Variants in MYT1 observed in about 807,000 individuals in gnomAD.
The protein encoded by MYT1 is myelin transcription factor 1.
Under a neutral mutation model 123.0 loss-of-function variants are expected in MYT1, and 23 were observed. The observed-to-expected ratio is 0.19, with a 90% CI of 0.13 to 0.26. The LOEUF (loss-of-function observed/expected upper bound fraction) is 0.26. MYT1 is among the 10% of genes least tolerant of loss of function. The probability of loss-of-function intolerance (pLI) is 1.00; values close to 1 mark genes in which losing one functional copy is unlikely to be tolerated. For synonymous variants in MYT1, 518 were observed against 575.3 expected (o/e 0.90, Z 1.43); for missense variants, 1,125 against 1,472.5 (o/e 0.76, Z 3.86).
intron 16 of MYT1, among the ~76,000 whole-genome samples, chr20:64,223,942 A>C (rs977341839): frequency 6.6e-6 from 1 of 151,624 alleles, no homozygotes; most frequent in African/African-American, 2.4e-5. Context: ...CCCTGCCCCT[A>C]CCTAACACAT....
At position 64,231,625 on chromosome 20, in the gene MYT1, C is replaced by G. The variant is rs1169882182; in HGVS notation, c.2676-539C>G. On this transcript the variant is annotated intron_variant, in intron 18 of 22. Coordinates refer to ENST00000328439, the MANE Select transcript of MYT1 (RefSeq NM_004535.3). The surrounding 1 kb of genome is among the most constrained non-coding windows in gnomAD (Gnocchi z 6.4). ...AGCTGCAACATCTATGGGCATTGCC[C>G]CCTGATTGCACTGGCCTCAGTCTGG... is the stretch of plus-strand genomic sequence containing the variant. Among the ~76,000 whole-genome samples, 1 of 152,188 alleles carries G rather than the reference C, an allele frequency of 6.6e-6. No individual in the cohort carries two copies. The highest frequency in any genetic ancestry group is 2.4e-5 in the African/African-American group (1 of 41,444).
chr20:64,235,270 G>A (rs893671563), intron 19 of MYT1, among the ~76,000 whole-genome samples: 6 of 87,938 alleles, frequency 6.8e-5, no homozygotes, highest in Admixed American at 1.8e-4. Context: ...GTCATGGTGT[G>A]TGACCCGGGG....
At position 64,213,178 on chromosome 20, in the gene MYT1, G is replaced by A. The variant is rs1402685761; in HGVS notation, c.1518-356G>A. Among the ~76,000 whole-genome samples, 3 of 152,178 alleles carry A rather than the reference G, an allele frequency of 2.0e-5. No homozygotes were observed. The highest frequency in any genetic ancestry group is 7.2e-5 in the African/African-American group (3 of 41,462). ...AATCCAGCCCTGCAAGCTGGGAAGG[G>A]AGAGGAAGGGGGTGAGGGCAAGCCT... On this transcript the variant is annotated intron_variant, in intron 9 of 22. Coordinates refer to ENST00000328439, the MANE Select transcript of MYT1 (RefSeq NM_004535.3). The surrounding 1 kb of genome is among the most constrained non-coding windows in gnomAD (Gnocchi z 5.6).
In MYT1 at chr20:64,236,634, A is replaced by C. The variant is rs757716637; in HGVS notation, c.2977A>C (p.Lys993Gln). The change falls in exon 20 of 23, where the codon AAG (lysine) becomes CAG (glutamine). Residue 993 changes from lysine to glutamine, a missense_variant. Lys to Gln is a moderately conservative substitution (Grantham distance 53). Coordinates refer to ENST00000328439, the MANE Select transcript of MYT1 (RefSeq NM_004535.3). The stretch of plus-strand genomic sequence containing the variant: ...GGATGAGGTCCTCAGTCCAAAGTTC[A>C]AGACTAGCGACGGTAAGGATGGCTT... ...SGDEVLSPKF[K>Q]TSDVLENDEE... 2.5e-6 allele frequency: 4 copies of C among 1,613,504 alleles called. No individual in the cohort carries two copies. The highest frequency in any genetic ancestry group is 1.7e-5 in the Admixed American group (1 of 59,984).
intron 5 of MYT1, 140 bp downstream of exon 5, chr20:64,205,237 C>G (rs1249577996): frequency 6.8e-5 from 71 of 1,041,026 alleles, no homozygotes; most frequent in Non-Finnish European, 9.7e-5. Flanking sequence ...GCAGCGACCT[C>G]CCACTCTAGC....
At position 64,218,219 on chromosome 20, in the gene MYT1, C is replaced by T. The variant is rs1037452351; in HGVS notation, c.1847-692C>T. Among the ~76,000 whole-genome samples the T allele has an allele frequency of 6.6e-6, 1 of 152,126 alleles. No homozygotes were observed. Among genetic ancestry groups the T allele is most frequent in the Non-Finnish European group, 1.5e-5 (1 of 68,028 alleles). ...GGTGCCAGTGGAGAGGGGGACCTCA[C>T]GATAAGCTTTCCAATATATCTAGAC... On this transcript the variant is annotated intron_variant, in intron 11 of 22. Coordinates refer to ENST00000328439, the MANE Select transcript of MYT1 (RefSeq NM_004535.3). This position sits in a 1 kb window ranked among gnomAD's most constrained non-coding sequence, Gnocchi z 4.0.
chr20:64,211,960 A>G, intron 8 of MYT1, 88 bp from the exon 9 acceptor site: 1 of 1,113,222 alleles, frequency 9.0e-7, no homozygotes. Context: ...AGGCTCCTGC[A>G]CCCTCCTCAG....
chr20:64,170,114 G>A (rs1008395557), intron 1 of MYT1, among the ~76,000 whole-genome samples: 5 of 152,096 alleles, frequency 3.3e-5, no homozygotes, highest in South Asian at 2.1e-4. Context: ...CTTATTCTCC[G>A]TCCCAAACTG....
chr20:64,194,665 GAGAC>G (rs1022355398), intron 2 of MYT1, among the ~76,000 whole-genome samples: 2 of 152,376 alleles, frequency 1.3e-5, no homozygotes, highest in South Asian at 4.1e-4. Flanking sequence ...GAGGCAGAGA[GAGAC>G]AGAGAGGGAG....
At chr20:64,171,958 C>T (rs560176606) in intron 1 of MYT1, among the ~76,000 whole-genome samples, 1 of 152,310 alleles carries the variant, frequency 6.6e-6, no homozygotes, top group Admixed American at 6.5e-5. Flanking sequence ...ATTCCTCTTC[C>T]TGGAGAGCCC....
intron 1 of MYT1, among the ~76,000 whole-genome samples, chr20:64,182,319 C>T (rs1182921608): frequency 6.6e-6 from 1 of 152,174 alleles, no homozygotes; most frequent in African/African-American, 2.4e-5. Context: ...TGTCCCAGGG[C>T]GTGGCAGGCC....
At position 64,231,336 on chromosome 20, in the gene MYT1, G is replaced by A. The variant is rs1278186337; in HGVS notation, c.2676-828G>A. ...GTCCAGGTCCTTCCCTGAGGCAGTGGGGACAGACACTCAGAGAGGTCATGG... is the reference window on the plus strand; with the variant it reads ...GTCCAGGTCCTTCCCTGAGGCAGTGAGGACAGACACTCAGAGAGGTCATGG... On this transcript the variant is annotated intron_variant, in intron 18 of 22. Coordinates refer to ENST00000328439, the MANE Select transcript of MYT1 (RefSeq NM_004535.3). This position sits in a 1 kb window ranked among gnomAD's most constrained non-coding sequence, Gnocchi z 6.4. Among the ~76,000 whole-genome samples, 1 of 152,312 alleles carries A rather than the reference G, an allele frequency of 6.6e-6. No homozygotes were observed. The highest frequency in any genetic ancestry group is 6.5e-5 in the Admixed American group (1 of 15,298).
At position 64,192,463 on chromosome 20, in the gene MYT1, C is replaced by G. The variant is rs1982995318; in HGVS notation, c.-1+2303C>G. Among the ~76,000 whole-genome samples, 1 of 152,176 alleles carries G rather than the reference C, an allele frequency of 6.6e-6. No homozygotes were observed. Among genetic ancestry groups the G allele is most frequent in the Admixed American group, 6.5e-5 (1 of 15,286 alleles). On this transcript the variant is annotated intron_variant, in intron 2 of 22. Coordinates refer to ENST00000328439, the MANE Select transcript of MYT1 (RefSeq NM_004535.3). This position sits in a 1 kb window ranked among gnomAD's most constrained non-coding sequence, Gnocchi z 5.3. Reference sequence around the variant, plus strand: ...CCACAGCAGCATCGGGGTCAGCCTTCCAGAGGCTGGCTTCGGACAGGAGAT... The same window carrying G: ...CCACAGCAGCATCGGGGTCAGCCTTGCAGAGGCTGGCTTCGGACAGGAGAT...
At chr20:64,227,850 C>T (rs753405252) in intron 17 of MYT1, 38 bp from the exon 18 acceptor site, 13 of 1,590,698 alleles carry the variant, frequency 8.2e-6, no homozygotes, top group Non-Finnish European at 1.0e-5. Context: ...GCTGCGGTTC[C>T]AGCACTAAGG....
chr20:64,223,282 C>T lies in MYT1; in HGVS notation c.2460-9C>T, dbSNP rs373439146. 1 of 1,614,196 alleles carries T rather than the reference C, an allele frequency of 6.2e-7. No homozygotes were observed. The highest frequency in any genetic ancestry group is 8.5e-7 in the Non-Finnish European group (1 of 1,180,026). On this transcript the variant is annotated splice_polypyrimidine_tract_variant and intron_variant, in intron 15 of 22. Transcript: ENST00000328439. Reference sequence around the variant, plus strand: ...GGCTTACCCCAATATCCCATCTCTTCTCTTTCAGCCTCTCTGGTTGCCCTC... The same window carrying T: ...GGCTTACCCCAATATCCCATCTCTTTTCTTTCAGCCTCTCTGGTTGCCCTC...
rs1295664247 is a variant in MYT1 at position 64,193,261 on chromosome 20, A to G, written c.-1+3101A>G. 6.6e-6 allele frequency among the ~76,000 whole-genome samples: 1 copy of G among 152,158 alleles called. No individual in the cohort carries two copies. Among genetic ancestry groups the G allele is most frequent in the Admixed American group, 6.5e-5 (1 of 15,278 alleles). On this transcript the variant is annotated intron_variant, in intron 2 of 22. Coordinates refer to ENST00000328439, the MANE Select transcript of MYT1 (RefSeq NM_004535.3). The surrounding 1 kb of genome is among the most constrained non-coding windows in gnomAD (Gnocchi z 4.0). ...TTAGCCTCAGAGATCAAGAGAGTGG[A>G]AAGCAGGATGTGTGCTGAGGTCACC...
At chr20:64,165,281 A>G (rs945632673) in intron 1 of MYT1, among the ~76,000 whole-genome samples, 2 of 152,078 alleles carry the variant, frequency 1.3e-5, no homozygotes, top group African/African-American at 4.8e-5. Flanking sequence ...TTAAGGATCA[A>G]TATCTAGGGT....
intron 2 of MYT1, among the ~76,000 whole-genome samples, chr20:64,195,413 T>TTTTTTTTA (rs1983087283): frequency 1.0e-4 from 15 of 143,660 alleles, no homozygotes; most frequent in East Asian, 3.9e-4. Context: ...TTTTTTTTTT[T>TTTTTTTTA]GAGACGGAGT....
chr20:64,201,895 CCCCG>C lies in MYT1; in HGVS notation c.86+1974_86+1977del, dbSNP rs1462958656. On this transcript the variant is annotated intron_variant, in intron 4 of 22. Coordinates refer to ENST00000328439, the MANE Select transcript of MYT1 (RefSeq NM_004535.3). Reference sequence around the variant, plus strand: ...AGACACAGAGTCACCTGTCGGGAACCCCCGTGTGTCGGGAACCCCCGCGTGTCGG... The same window carrying C: ...AGACACAGAGTCACCTGTCGGGAACCTGTGTCGGGAACCCCCGCGTGTCGG... Among the ~76,000 whole-genome samples, 799 of 141,012 alleles carry C rather than the reference CCCCG, an allele frequency of 5.7e-3. 22 individuals are homozygous for C. Among genetic ancestry groups the C allele is most frequent in the African/African-American group, 0.019 (744 of 40,172 alleles). 92.5% of individuals were successfully genotyped at this position (141,012 alleles called of 152,430 possible).
Sources: allele counts gnomAD v4.1 joint callset (sites outside exome capture counted in the v4.1 genomes callset), GRCh38; gene constraint gnomAD v4.1.1; non-coding constraint Gnocchi (gnomAD v3.1); transcripts MANE v1.5; gene names NCBI Gene and HGNC (gene_info 2026-07-23, HGNC 2026-07-21).